Variants in ANK1 observed in about 807,000 individuals in gnomAD.
The protein encoded by ANK1 is ankyrin-1.
In ANK1, 51 loss-of-function variants were observed where a neutral mutation model predicts 210.4. The ratio of observed to expected loss-of-function variants is 0.24; its 90% confidence interval spans 0.19 to 0.31. ANK1 has a LOEUF of 0.31. Ranked by LOEUF, ANK1 falls within the 10% of genes least tolerant of loss-of-function variation. The pLI, the probability that ANK1 is intolerant of heterozygous loss-of-function variation, is 1.00. For synonymous variants in ANK1, 967 were observed against 1,025.9 expected (o/e 0.94, Z 1.10); for missense variants, 2,051 against 2,504.4 (o/e 0.82, Z 3.86).
intron 1 of ANK1, among the ~76,000 whole-genome samples, chr8:41,811,650 A>G (rs564646574): frequency 2.0e-5 from 3 of 152,250 alleles, no homozygotes; most frequent in African/African-American, 7.2e-5. Context: ...TGCTGCAGAG[A>G]CCAGAGCACG....
chr8:41,864,353 C>A (rs775909586), intron 1 of ANK1, among the ~76,000 whole-genome samples: 5 of 151,634 alleles, frequency 3.3e-5, no homozygotes, highest in Admixed American at 6.6e-5. Flanking sequence ...AAGAATGTTT[C>A]TTTATTTAAA....
At chr8:41,887,315 C>G (rs1325560512) in intron 1 of ANK1, among the ~76,000 whole-genome samples, 1 of 129,970 alleles carries the variant, frequency 7.7e-6, no homozygotes, top group Non-Finnish European at 1.6e-5. Context: ...GTGGTACCAT[C>G]ATAGCTCACT....
chr8:41,694,705 C>A lies in ANK1; in HGVS notation c.3214G>T (p.Asp1072Tyr). ...CCTTCGGGACCGATGGTGTCGTAGT[C>A]CTGGCAGAGCCGTGACATGATCACG... Reference protein sequence around the residue: ...YFVIMSRLCQDYDTIGPEGGS... With the variant: ...YFVIMSRLCQYYDTIGPEGGS... The change falls in exon 28 of 43, where the codon GAC (aspartate) becomes TAC (tyrosine). Residue 1072 changes from aspartate to tyrosine, a missense_variant. By Grantham distance (160) the Asp-to-Tyr change is radical. Transcript: ENST00000289734. The surrounding 1 kb of genome is among the most constrained non-coding windows in gnomAD (Gnocchi z 5.7). 1 of 1,614,176 alleles carries A rather than the reference C, an allele frequency of 6.2e-7. No homozygotes were observed. Among genetic ancestry groups the A allele is most frequent in the Non-Finnish European group, 8.5e-7 (1 of 1,180,026 alleles).
intron 2 of ANK1, among the ~76,000 whole-genome samples, chr8:41,753,857 T>C (rs518718): frequency 0.32 from 48,104 of 152,068 alleles, 8,242 homozygotes; most frequent in East Asian, 0.66. Context: ...ACTCTGGCCT[T>C]CCTTCAACCC....
Position 41,727,881 on chromosome 8 carries a change from C to G in ANK1, c.327+27G>C. On this transcript the variant is annotated intron_variant, in intron 4 of 42. Transcript: ENST00000289734. ...GAACCACCTGTGGAAAGGCAACACC[C>G]TCTAGTCCAGACCAGAGAGCCATTA... The G allele has an allele frequency of 4.3e-6, 7 of 1,612,152 alleles. No individual in the cohort carries two copies. The South Asian group carries it at 6.6e-5, about 15-fold the overall frequency.
chr8:41,894,231 T>C (rs1306596178), intron 1 of ANK1, among the ~76,000 whole-genome samples: 1 of 152,088 alleles, frequency 6.6e-6, no homozygotes, highest in Non-Finnish European at 1.5e-5. Context: ...TTTCTTATCA[T>C]TATATTAATC....
Position 41,716,954 on chromosome 8 carries a change from T to C in ANK1, c.1403A>G (p.Lys468Arg), listed in dbSNP as rs1245613796. The change falls in exon 13 of 43, where the codon AAG becomes AGG. Residue 468 changes from lysine (K) to arginine (R), a missense_variant and splice_region_variant. Transcript: ENST00000289734. ...QNKAKVNAKA[K>R]DDQTPLHCAA... is the part of the protein sequence containing the mutation. ...TCCCTTCCTGCCTTCACTACTCACC[T>C]TGGCCTTGGCATTGACTTTGGCTTT... 1 of 1,613,994 alleles carries C rather than the reference T, an allele frequency of 6.2e-7. No individual in the cohort carries two copies. The highest frequency in any genetic ancestry group is 8.5e-7 in the Non-Finnish European group (1 of 1,179,990).
At chr8:41,831,801 C>T (rs1187263825) in intron 1 of ANK1, among the ~76,000 whole-genome samples, 1 of 152,220 alleles carries the variant, frequency 6.6e-6, no homozygotes, top group African/African-American at 2.4e-5. Context: ...CACACGTCCT[C>T]AGCGTGTGAA....
intron 3 of ANK1, among the ~76,000 whole-genome samples, chr8:41,732,939 T>A (rs186330739): frequency 6.6e-6 from 1 of 152,136 alleles, no homozygotes; most frequent in Non-Finnish European, 1.5e-5. Context: ...GGTTTCACCA[T>A]GTTGGCCAAG....
chr8:41,862,509 G>A (rs1813465210), intron 1 of ANK1, among the ~76,000 whole-genome samples: 1 of 152,022 alleles, frequency 6.6e-6, no homozygotes, highest in South Asian at 2.1e-4. Context: ...ATGGGGGAAA[G>A]GACACACTCA....
chr8:41,850,198 C>T (rs970027548), intron 1 of ANK1, among the ~76,000 whole-genome samples: 3 of 152,162 alleles, frequency 2.0e-5, no homozygotes, highest in Admixed American at 6.5e-5. Context: ...AACTTCCTTT[C>T]GCTCTCGTTA....
chr8:41,859,482 G>A (rs575904759), intron 1 of ANK1, among the ~76,000 whole-genome samples: 1 of 152,290 alleles, frequency 6.6e-6, no homozygotes, highest in Admixed American at 6.5e-5. Flanking sequence ...GAGTAGCTGG[G>A]ATCACAGGCA....
At chr8:41,796,032 T>G (rs888580971) in intron 1 of ANK1, among the ~76,000 whole-genome samples, 1 of 152,182 alleles carries the variant, frequency 6.6e-6, no homozygotes, top group African/African-American at 2.4e-5. Context: ...TCCACAAATA[T>G]GTAAATTATT....
intron 1 of ANK1, among the ~76,000 whole-genome samples, chr8:41,894,555 G>A (rs1255301303): frequency 6.6e-6 from 1 of 152,168 alleles, no homozygotes; most frequent in Non-Finnish European, 1.5e-5. Context: ...CAGGAGAGGG[G>A]GTGGGAGAGG....
At chr8:41,772,771 T>C (rs1414409230) in intron 1 of ANK1, among the ~76,000 whole-genome samples, 1 of 152,218 alleles carries the variant, frequency 6.6e-6, no homozygotes, top group African/African-American at 2.4e-5. Flanking sequence ...CGTTGGGCTC[T>C]CCTCCTGACC....
intron 1 of ANK1, among the ~76,000 whole-genome samples, chr8:41,825,347 T>A (rs1229009491): frequency 6.6e-6 from 1 of 152,218 alleles, no homozygotes; most frequent in Non-Finnish European, 1.5e-5. Flanking sequence ...TAATCTTTCA[T>A]CACAATTATT....
intron 2 of ANK1, among the ~76,000 whole-genome samples, chr8:41,738,485 T>A (rs566467187): frequency 6.6e-5 from 10 of 152,326 alleles, no homozygotes; most frequent in African/African-American, 2.4e-4. Flanking sequence ...GCTGTCTTAT[T>A]AAATGCATAA....
chr8:41,846,834 C>A (rs10108307), intron 1 of ANK1, among the ~76,000 whole-genome samples: 30,984 of 152,046 alleles, frequency 0.2, 5,107 homozygotes, highest in African/African-American at 0.46. Context: ...GCAGCCAGGC[C>A]CTCCTCATTA....
chr8:41,865,957 C>T (rs571645003), intron 1 of ANK1, among the ~76,000 whole-genome samples: 2 of 152,366 alleles, frequency 1.3e-5, no homozygotes, highest in South Asian at 4.1e-4. Flanking sequence ...ATTCCACACT[C>T]AATGGGTCTG....
Sources: gnomAD v4.1 joint callset for allele counts (sites outside exome capture counted in the v4.1 genomes callset) on GRCh38, gnomAD v4.1.1 for gene constraint, Gnocchi (gnomAD v3.1) non-coding constraint, MANE v1.5 for transcripts, NCBI Gene and HGNC (gene_info 2026-07-23, HGNC 2026-07-21) for gene names.